BCAS3: variants seen among roughly 807,000 people sequenced by gnomAD.
BCAS3 encodes the protein BCAS4/BCAS3 fusion.
BCAS3 carries 53 observed loss-of-function variants against 116.1 expected under a neutral mutation model. The observed-to-expected ratio is 0.46, with a 90% confidence interval of 0.37 to 0.57. The LOEUF is 0.57. Ranked by LOEUF, BCAS3 falls within the 20% of genes least tolerant of loss-of-function variation. The pLI, the probability that BCAS3 is intolerant of heterozygous loss-of-function variation, is 0.00. For missense variants in BCAS3, 917 were observed against 1,165.4 expected (o/e 0.79, Z 3.10); for synonymous variants, 391 against 408.2 (o/e 0.96, Z 0.51).
chr17:61,392,014 C>T lies in BCAS3; in HGVS notation c.2631C>T (p.Asn877=), dbSNP rs752019894. ...AGGGAAGCATCGAGACTCTGAGTAACAGCTCAGGCTCCACCAGCGGCAGCA... is the reference window on the plus strand; with the variant it reads ...AGGGAAGCATCGAGACTCTGAGTAATAGCTCAGGCTCCACCAGCGGCAGCA... ...QREGSIETLS[N]SSGSTSGSIP... Residue 877 remains asparagine, a synonymous_variant, in exon 24 of 24, where the codon AAC becomes AAT. Transcript: ENST00000407086. The surrounding 1 kb of genome is among the most constrained non-coding windows in gnomAD (Gnocchi z 6.4). The T allele has an allele frequency of 1.9e-6, 3 of 1,613,928 alleles. No individual in the cohort carries two copies. The highest frequency in any genetic ancestry group is 2.2e-5 in the East Asian group (1 of 44,874).
chr17:60,866,568 G>A (rs1253723906), intron 7 of BCAS3, among the ~76,000 whole-genome samples: 1 of 152,200 alleles, frequency 6.6e-6, no homozygotes, highest in South Asian at 2.1e-4. Context: ...ATGTTGGAAA[G>A]TGACTCTTCT....
intron 14 of BCAS3, among the ~76,000 whole-genome samples, chr17:60,980,951 A>G (rs1322663291): frequency 6.6e-6 from 1 of 151,868 alleles, no homozygotes; most frequent in East Asian, 1.9e-4. Flanking sequence ...CTCCCACCCT[A>G]GCCTCTTAAG....
At chr17:61,154,247 A>G (rs895661265) in intron 22 of BCAS3, among the ~76,000 whole-genome samples, 1 of 152,212 alleles carries the variant, frequency 6.6e-6, no homozygotes, top group African/African-American at 2.4e-5. Flanking sequence ...CTCATGTAAT[A>G]CAGCCAAGAT....
Position 61,276,093 on chromosome 17 carries a change from G to A in BCAS3, c.2426-92234G>A, listed in dbSNP as rs1161697580. On this transcript the variant is annotated intron_variant, in intron 22 of 23. Transcript: ENST00000407086. This position sits in a 1 kb window ranked among gnomAD's most constrained non-coding sequence, Gnocchi z 4.2. ...TGGCCGGGTGCGGTGGCTCACGCGT[G>A]TAATCTCAGCACTTTGGGAGGCTGA... Among the ~76,000 whole-genome samples, 1 of 152,174 alleles carries A rather than the reference G, an allele frequency of 6.6e-6. No individual in the cohort carries two copies. The highest frequency in any genetic ancestry group is 2.4e-5 in the African/African-American group (1 of 41,430).
intron 22 of BCAS3, among the ~76,000 whole-genome samples, chr17:61,096,388 C>CA (rs970791416): frequency 9.0e-4 from 132 of 147,432 alleles, no homozygotes; most frequent in South Asian, 4.9e-3. Context: ...CTCGTCTCTA[C>CA]AAAAAAAAAA....
At chr17:60,739,868 G>GTT (rs1203592870) in intron 5 of BCAS3, among the ~76,000 whole-genome samples, 106 of 146,860 alleles carry the variant, frequency 7.2e-4, no homozygotes, top group African/African-American at 2.6e-3. Flanking sequence ...AGAGGTTGCT[G>GTT]TTTTTTTTGT....
rs1185170868 is a variant in BCAS3 at position 60,881,171 on chromosome 17, T to C, written c.661+6433T>C. ...TTGTATTTTTAGTAGAGATGGGATT[T>C]CACTGTGTTAGCCAGGATGGTCTCG... On this transcript the variant is annotated intron_variant, in intron 9 of 23. Transcript: ENST00000407086. Among the ~76,000 whole-genome samples the C allele has an allele frequency of 2.0e-5, 3 of 152,122 alleles. No homozygotes were observed. The East Asian group carries it at 5.8e-4, about 29-fold the overall frequency.
At chr17:60,947,723 A>G (rs192913975) in intron 14 of BCAS3, among the ~76,000 whole-genome samples, 1 of 152,348 alleles carries the variant, frequency 6.6e-6, no homozygotes, top group African/African-American at 2.4e-5. Context: ...GCATACATAC[A>G]CACACATATA....
In BCAS3 at chr17:61,136,909, C is replaced by T. The variant is rs1301916344; in HGVS notation, c.2425+52345C>T. ...CCCTGGAAACCAGCAGTAACCAGAC[C>T]CTGGTGGGTGCTGAGAAAATGTTGA... On this transcript the variant is annotated intron_variant, in intron 22 of 23. Transcript: ENST00000407086. This position sits in a 1 kb window ranked among gnomAD's most constrained non-coding sequence, Gnocchi z 4.4. Among the ~76,000 whole-genome samples, 2 of 152,068 alleles carry T rather than the reference C, an allele frequency of 1.3e-5. No homozygotes were observed. Among genetic ancestry groups the T allele is most frequent in the African/African-American group, 4.8e-5 (2 of 41,388 alleles).
chr17:60,834,434 C>A (rs1244775908), intron 7 of BCAS3, among the ~76,000 whole-genome samples: 3 of 151,908 alleles, frequency 2.0e-5, no homozygotes, highest in Non-Finnish European at 2.9e-5. Context: ...TTAATTTTGG[C>A]TTTACTTCAT....
rs187615379 is a variant in BCAS3 at position 61,043,776 on chromosome 17, A to G, written c.2029+2884A>G. 1.9e-3 allele frequency among the ~76,000 whole-genome samples: 292 copies of G among 152,194 alleles called. 3 individuals carry two copies. Among genetic ancestry groups the G allele is most frequent in the African/African-American group, 6.2e-3 (256 of 41,552 alleles). ...TCTGTCCACCCACAACTCTGAATGA[A>G]TGAATACAAATTATTGTAAAATAAA... On this transcript the variant is annotated intron_variant, in intron 19 of 23. Transcript: ENST00000407086.
Position 61,278,036 on chromosome 17 carries a change from T to C in BCAS3, c.2426-90291T>C, listed in dbSNP as rs868179458. Among the ~76,000 whole-genome samples the C allele has an allele frequency of 3.2e-3, 491 of 152,194 alleles. 7 individuals carry two copies. Among genetic ancestry groups the C allele is most frequent in the African/African-American group, 0.011 (475 of 41,544 alleles). On this transcript the variant is annotated intron_variant, in intron 22 of 23. Transcript: ENST00000407086. The surrounding 1 kb of genome is among the most constrained non-coding windows in gnomAD (Gnocchi z 5.8). ...ATACCCACACAAAAAATGGTTTGTT[T>C]TGTTTTGTTTTGTTTTGTTTGACGG...
Position 61,188,198 on chromosome 17 carries a change from G to C in BCAS3, c.2425+103634G>C, listed in dbSNP as rs562301463. Among the ~76,000 whole-genome samples, 2 of 152,270 alleles carry C rather than the reference G, an allele frequency of 1.3e-5. No individual in the cohort carries two copies. The highest frequency in any genetic ancestry group is 6.5e-5 in the Admixed American group (1 of 15,286). On this transcript the variant is annotated intron_variant, in intron 22 of 23. Transcript: ENST00000407086. The surrounding 1 kb of genome is among the most constrained non-coding windows in gnomAD (Gnocchi z 4.0). ...TCCTTGCTATTCTCGCTATTGAACAGTCTCCAACTCTTAAACTAGCAAGTT... is the reference window on the plus strand; with the variant it reads ...TCCTTGCTATTCTCGCTATTGAACACTCTCCAACTCTTAAACTAGCAAGTT...
At chr17:61,172,721 C>G (rs981129444) in intron 22 of BCAS3, among the ~76,000 whole-genome samples, 2 of 151,376 alleles carry the variant, frequency 1.3e-5, no homozygotes, top group African/African-American at 2.4e-5. Flanking sequence ...CGCGGTGGCT[C>G]ATGCCTTTAA....
rs2048995261 is a variant in BCAS3 at position 61,258,975 on chromosome 17, G to A, written c.2426-109352G>A. Among the ~76,000 whole-genome samples, 1 of 152,328 alleles carries A rather than the reference G, an allele frequency of 6.6e-6. No individual in the cohort carries two copies. The highest frequency in any genetic ancestry group is 1.9e-4 in the East Asian group (1 of 5,190). On this transcript the variant is annotated intron_variant, in intron 22 of 23. Transcript: ENST00000407086. The surrounding 1 kb of genome is among the most constrained non-coding windows in gnomAD (Gnocchi z 4.7). ...ATTCTTGTTTTGTTTCTGATTAAAA[G>A]ATGAGTTTCCTTCTTAAACCCAAGG...
intron 9 of BCAS3, among the ~76,000 whole-genome samples, chr17:60,875,488 A>G (rs1381226893): frequency 6.6e-6 from 1 of 152,102 alleles, no homozygotes; most frequent in Non-Finnish European, 1.5e-5. Flanking sequence ...GCAGTTTCGT[A>G]TTACCAATTT....
At chr17:61,297,516 A>C in intron 22 of BCAS3, among the ~76,000 whole-genome samples, 1 of 152,184 alleles carries the variant, frequency 6.6e-6, no homozygotes, top group South Asian at 2.1e-4. Flanking sequence ...TGTTATTTCC[A>C]AAATTTGACC....
intron 10 of BCAS3, among the ~76,000 whole-genome samples, chr17:60,896,514 A>G: frequency 6.6e-6 from 1 of 152,034 alleles, no homozygotes; most frequent in Middle Eastern, 3.4e-3. Flanking sequence ...GAGTGCATAT[A>G]TATTTAGAAC....
At position 61,188,440 on chromosome 17, in the gene BCAS3, G is replaced by A. The variant is rs967544623; in HGVS notation, c.2425+103876G>A. On this transcript the variant is annotated intron_variant, in intron 22 of 23. Transcript: ENST00000407086. The surrounding 1 kb of genome is among the most constrained non-coding windows in gnomAD (Gnocchi z 4.0). Reference sequence around the variant, plus strand: ...CACTCGATTCCTAGTTTATATTCTGGTATGGACCACAAGTCTGGGAGGCAA... The same window carrying A: ...CACTCGATTCCTAGTTTATATTCTGATATGGACCACAAGTCTGGGAGGCAA... Among the ~76,000 whole-genome samples, 3 of 152,202 alleles carry A rather than the reference G, an allele frequency of 2.0e-5. No homozygotes were observed. Among genetic ancestry groups the A allele is most frequent in the East Asian group, 1.9e-4 (1 of 5,202 alleles).
Sources: allele counts gnomAD v4.1 joint callset (sites outside exome capture counted in the v4.1 genomes callset), GRCh38; gene constraint gnomAD v4.1.1; non-coding constraint Gnocchi (gnomAD v3.1); transcripts MANE v1.5; gene names NCBI Gene and HGNC (gene_info 2026-07-23, HGNC 2026-07-21).